Variants in BTRC observed in about 807,000 individuals in gnomAD.
BTRC encodes the protein beta-transducin repeat containing E3 ubiquitin protein ligase.
BTRC carries 42 observed loss-of-function variants against 85.5 expected under a neutral mutation model. The observed-to-expected ratio is 0.49, with a 90% confidence interval of 0.38 to 0.64. The LOEUF (loss-of-function observed/expected upper bound fraction) is 0.64. Ranked by LOEUF, BTRC falls within the 30% of genes least tolerant of loss-of-function variation. BTRC has a pLI of 0.00. For missense variants in BTRC, 594 were observed against 743.5 expected (o/e 0.80, Z 2.34); for synonymous variants, 255 against 263.3 (o/e 0.97, Z 0.30).
chr10:101,382,131 T>A (rs1942950301), intron 1 of BTRC, among the ~76,000 whole-genome samples: 1 of 151,708 alleles, frequency 6.6e-6, no homozygotes, highest in African/African-American at 2.4e-5. Context: ...TACAGGCACC[T>A]GCCACCACGC....
chr10:101,388,785 C>T (rs1444741090), intron 1 of BTRC, among the ~76,000 whole-genome samples: 1 of 152,172 alleles, frequency 6.6e-6, no homozygotes, highest in Non-Finnish European at 1.5e-5. Context: ...GCGACTGCAC[C>T]CAGCCCAGCC....
In BTRC at chr10:101,505,139, G is replaced by GTATATGTGTA. The variant is rs71016328; in HGVS notation, c.325-16495_325-16494insGTGTATATAT. On this transcript the variant is annotated intron_variant, in intron 4 of 14. Transcript: ENST00000370187. The stretch of plus-strand genomic sequence containing the variant: ...TATATATATATATGTGTATATATAT[G>GTATATGTGTA]TATATATATATGTATATGTATATAT... 4.9e-3 allele frequency among the ~76,000 whole-genome samples: 20 copies of GTATATGTGTA among 4,074 alleles called. 1 individual carries two copies. The highest frequency in any genetic ancestry group is 2.9e-3 in the Non-Finnish European group (3 of 1,040). The allele number at this position is 4,074 out of a possible 152,430, so 2.7% of individuals were successfully genotyped here. A position where few individuals can be genotyped will look rare whatever the true frequency, so the allele number is the denominator to read the frequency against.
chr10:101,504,536 C>T (rs190582246), intron 4 of BTRC, among the ~76,000 whole-genome samples: 1 of 152,224 alleles, frequency 6.6e-6, no homozygotes, highest in East Asian at 1.9e-4. Flanking sequence ...CCATCTCTCA[C>T]CAACCCCACT....
intron 12 of BTRC, among the ~76,000 whole-genome samples, chr10:101,537,050 T>G (rs3095800): frequency 6.6e-6 from 1 of 151,956 alleles, no homozygotes; most frequent in Admixed American, 6.6e-5. Context: ...GAATTTTGAT[T>G]TCTTGGGTTT....
At chr10:101,420,392 C>T (rs1944067885) in intron 1 of BTRC, among the ~76,000 whole-genome samples, 1 of 152,078 alleles carries the variant, frequency 6.6e-6, no homozygotes, top group Non-Finnish European at 1.5e-5. Context: ...TTGCACTTGG[C>T]TGCCCCTTCC....
At chr10:101,354,050 C>A (rs1481654961), upstream of BTRC, 3 of 1,092,900 alleles carry the variant, frequency 2.7e-6, no homozygotes, top group East Asian at 2.7e-5. Flanking sequence ...CTTGGCCCCT[C>A]AGCCTGCGCC....
At position 101,458,058 on chromosome 10, in the gene BTRC, C is replaced by T. The variant is rs112805242; in HGVS notation, c.157-3923C>T. Among the ~76,000 whole-genome samples, 19 of 152,184 alleles carry T rather than the reference C, an allele frequency of 1.2e-4. No homozygotes were observed. The South Asian group carries it at 3.5e-3, about 28-fold the overall frequency. On this transcript the variant is annotated intron_variant, in intron 2 of 14. Transcript: ENST00000370187. Reference sequence around the variant, plus strand: ...TCCATCCCCCCTAAATGTTTCAGTGCGTGTTTCCAGAAAAACAAAGACATT... The same window carrying T: ...TCCATCCCCCCTAAATGTTTCAGTGTGTGTTTCCAGAAAAACAAAGACATT...
chr10:101,508,275 A>C (rs1294589531), intron 4 of BTRC, among the ~76,000 whole-genome samples: 1 of 152,206 alleles, frequency 6.6e-6, no homozygotes, highest in Non-Finnish European at 1.5e-5. Context: ...GGCTTTATTT[A>C]AAGGAATTGG....
intron 1 of BTRC, among the ~76,000 whole-genome samples, chr10:101,393,105 A>G (rs1242434702): frequency 6.6e-6 from 1 of 152,082 alleles, no homozygotes. Flanking sequence ...GGAGGAAGGA[A>G]TGCTTCCATA....
At chr10:101,484,850 C>T (rs1055020923) in intron 4 of BTRC, among the ~76,000 whole-genome samples, 4 of 152,154 alleles carry the variant, frequency 2.6e-5, no homozygotes, top group African/African-American at 9.7e-5. Flanking sequence ...TTCATATGAG[C>T]TTAATGTGTT....
At chr10:101,440,921 T>C (rs2134110469) in intron 2 of BTRC, among the ~76,000 whole-genome samples, 1 of 152,318 alleles carries the variant, frequency 6.6e-6, no homozygotes, top group Middle Eastern at 3.4e-3. Flanking sequence ...ATTTTTGTCC[T>C]TACTTAAAAA....
chr10:101,359,209 G>C (rs990568600), intron 1 of BTRC, among the ~76,000 whole-genome samples: 1 of 152,126 alleles, frequency 6.6e-6, no homozygotes, highest in African/African-American at 2.4e-5. Flanking sequence ...AAAATAAATT[G>C]TCAGATGTTT....
chr10:101,551,685 C>T (rs1039200864), intron 14 of BTRC, among the ~76,000 whole-genome samples: 1 of 152,248 alleles, frequency 6.6e-6, no homozygotes, highest in African/African-American at 2.4e-5. Context: ...GTTCGCTACA[C>T]GTTTCTGCAT....
At chr10:101,407,339 A>G (rs902451879) in intron 1 of BTRC, among the ~76,000 whole-genome samples, 2 of 152,178 alleles carry the variant, frequency 1.3e-5, no homozygotes, top group African/African-American at 4.8e-5. Context: ...CAATGAGACC[A>G]TGTCTCTTAC....
At chr10:101,527,002 C>T (rs1336295709) in intron 6 of BTRC, among the ~76,000 whole-genome samples, 3 of 152,128 alleles carry the variant, frequency 2.0e-5, no homozygotes, top group Non-Finnish European at 4.4e-5. Flanking sequence ...AGATATCTTT[C>T]TTTAAATACT....
At chr10:101,545,479 T>A (rs1433630310) in intron 13 of BTRC, among the ~76,000 whole-genome samples, 2 of 152,194 alleles carry the variant, frequency 1.3e-5, no homozygotes, top group African/African-American at 4.8e-5. Flanking sequence ...AGAATGTGAC[T>A]GTATTTGGAG....
At chr10:101,542,922 G>C (rs934495464) in intron 13 of BTRC, among the ~76,000 whole-genome samples, 2 of 152,116 alleles carry the variant, frequency 1.3e-5, no homozygotes, top group African/African-American at 4.8e-5. Flanking sequence ...TGTCACCCAG[G>C]CTGGAGTGCA....
Position 101,473,593 on chromosome 10 carries a change from C to T in BTRC, c.235-5775C>T, listed in dbSNP as rs1257829655. 3.3e-5 allele frequency among the ~76,000 whole-genome samples: 5 copies of T among 150,556 alleles called. No individual in the cohort carries two copies. The Admixed American group carries it at 3.3e-4, about 10-fold the overall frequency. On this transcript the variant is annotated intron_variant, in intron 3 of 14. Transcript: ENST00000370187. Reference sequence around the variant, plus strand: ...TCAAGCGATTCTCCTCCCTCTGCCTCCCAAGTAGCTGGGATTACAGGCACT... The same window carrying T: ...TCAAGCGATTCTCCTCCCTCTGCCTTCCAAGTAGCTGGGATTACAGGCACT...
At chr10:101,372,786 C>G (rs570978633) in intron 1 of BTRC, among the ~76,000 whole-genome samples, 34 of 151,848 alleles carry the variant, frequency 2.2e-4, no homozygotes, top group African/African-American at 8.2e-4. Flanking sequence ...TCGCTTGAAC[C>G]TGGGAGGCAG....
Sources: gnomAD v4.1 joint callset for allele counts (sites outside exome capture counted in the v4.1 genomes callset) on GRCh38, gnomAD v4.1.1 for gene constraint, MANE v1.5 for transcripts, NCBI Gene and HGNC (gene_info 2026-07-23, HGNC 2026-07-21) for gene names.